KLHL13: variants seen among roughly 807,000 people sequenced by gnomAD.
The protein encoded by KLHL13 is kelch like family member 13, also known as kelch-like protein 13.
A neutral mutation model predicts 37.1 loss-of-function variants in KLHL13; 10 were observed. That is an observed-to-expected ratio of 0.27 (90% CI 0.17 to 0.46). The LOEUF is 0.46. KLHL13 is among the 20% of genes least tolerant of loss of function. KLHL13 has a pLI of 1.00. For missense variants in KLHL13, 360 were observed against 509.3 expected (o/e 0.71, Z 2.82); for synonymous variants, 163 against 181.2 (o/e 0.90, Z 0.81).
At chrX:118,047,286 G>A (rs1447817427) in intron 1 of KLHL13, among the ~76,000 whole-genome samples, 1 of 112,061 alleles carries the variant, frequency 8.9e-6, no homozygotes, top group East Asian at 2.8e-4. Flanking sequence ...ATGCAGTGAA[G>A]AAGGCAAGCA....
chrX:118,072,050 G>A (rs1264372518), intron 1 of KLHL13, among the ~76,000 whole-genome samples: 1 of 109,990 alleles, frequency 9.1e-6, no homozygotes, highest in African/African-American at 3.3e-5. Context: ...GAACAAAGCT[G>A]GAGGCATCAC....
intron 1 of KLHL13, among the ~76,000 whole-genome samples, chrX:118,094,167 A>T: frequency 9.0e-6 from 1 of 111,140 alleles, no homozygotes; most frequent in East Asian, 2.8e-4. Flanking sequence ...ATGGCTAACT[A>T]GAATAACCAA....
chrX:117,964,685 C>T (rs1229692010), intron 1 of KLHL13, among the ~76,000 whole-genome samples: 1 of 111,500 alleles, frequency 9.0e-6, no homozygotes, highest in Non-Finnish European at 1.9e-5. Context: ...GTGCTGCACC[C>T]ATTAACTCGT....
chrX:118,063,302 A>C (rs1427197887), intron 1 of KLHL13, among the ~76,000 whole-genome samples: 1 of 111,725 alleles, frequency 9.0e-6, no homozygotes, highest in Non-Finnish European at 1.9e-5. Flanking sequence ...ATAAAAGGTC[A>C]AAAGATCACA....
At chrX:118,036,879 A>G (rs1276334651) in intron 1 of KLHL13, among the ~76,000 whole-genome samples, 1 of 106,226 alleles carries the variant, frequency 9.4e-6, no homozygotes, top group Admixed American at 1.0e-4. Flanking sequence ...TCTACAATGA[A>G]CTCAAACAAA....
intron 2 of KLHL13, among the ~76,000 whole-genome samples, chrX:117,943,743 T>A (rs138703564): frequency 5.8e-4 from 63 of 109,437 alleles, no homozygotes; most frequent in African/African-American, 2.1e-3. Context: ...TTTTTCAAGG[T>A]TCTTAGCTTC....
intron 1 of KLHL13, among the ~76,000 whole-genome samples, chrX:118,089,594 G>C (rs765933226): frequency 1.2e-5 from 1 of 81,296 alleles, no homozygotes; most frequent in South Asian, 6.7e-4. Flanking sequence ...AGAAAAGAGA[G>C]AGAGAGAGAG....
chrX:117,973,929 A>C, upstream of KLHL13: 1 of 118,950 alleles, frequency 8.4e-6, no homozygotes, highest in Non-Finnish European at 1.6e-5. Flanking sequence ...TCCAAAGCTC[A>C]ACAGCGGGTC....
intron 1 of KLHL13, among the ~76,000 whole-genome samples, chrX:118,050,187 CCTT>C (rs2054599237): frequency 8.9e-6 from 1 of 111,906 alleles, no homozygotes; most frequent in Admixed American, 9.4e-5. Context: ...CACCTGGCCT[CCTT>C]CTTTCCTGAC....
intron 2 of KLHL13, among the ~76,000 whole-genome samples, chrX:117,931,205 A>C (rs981762676): frequency 8.9e-6 from 1 of 112,306 alleles, no homozygotes; most frequent in Admixed American, 9.4e-5. Flanking sequence ...GTAAATAGCT[A>C]TAAGTGAGGA....
intron 1 of KLHL13, among the ~76,000 whole-genome samples, chrX:118,046,232 T>C (rs1481216022): frequency 1.8e-5 from 2 of 112,415 alleles, no homozygotes; most frequent in Non-Finnish European, 3.8e-5. Context: ...ATCTTGTCAA[T>C]TGCAACAACA....
chrX:118,034,957 C>A (rs1287870209), intron 1 of KLHL13, among the ~76,000 whole-genome samples: 1 of 90,417 alleles, frequency 1.1e-5, no homozygotes, highest in African/African-American at 5.2e-5. Context: ...GAGAATACTA[C>A]AAACACCTCT....
At chrX:117,971,419 G>A (rs1000871634) in intron 1 of KLHL13, among the ~76,000 whole-genome samples, 1 of 110,968 alleles carries the variant, frequency 9.0e-6, no homozygotes, top group East Asian at 2.8e-4. Flanking sequence ...CCATTAACTT[G>A]TCACCTCCAT....
intron 1 of KLHL13, among the ~76,000 whole-genome samples, chrX:117,950,296 G>A (rs551328478): frequency 3.6e-5 from 4 of 111,100 alleles, no homozygotes; most frequent in South Asian, 3.8e-4. Flanking sequence ...GTAAAACCCC[G>A]TCTCCACTAA....
chrX:118,008,857 T>A (rs1202775268), intron 1 of KLHL13, among the ~76,000 whole-genome samples: 3 of 111,720 alleles, frequency 2.7e-5, no homozygotes, highest in Admixed American at 9.5e-5. Flanking sequence ...AAAATGGGAA[T>A]AATAATGATG....
intron 1 of KLHL13, among the ~76,000 whole-genome samples, chrX:118,104,904 A>T (rs1279371987): frequency 1.8e-5 from 2 of 112,817 alleles, no homozygotes; most frequent in South Asian, 3.6e-4. Flanking sequence ...TGAGTGAATT[A>T]TATCTTAATA....
At chrX:118,013,858 G>A (rs1400609911) in intron 1 of KLHL13, among the ~76,000 whole-genome samples, 1 of 112,175 alleles carries the variant, frequency 8.9e-6, no homozygotes, top group East Asian at 2.8e-4. Context: ...TCTTACACCT[G>A]TCTTTACTGC....
chrX:118,097,236 G>C (rs1250122966), intron 1 of KLHL13, among the ~76,000 whole-genome samples: 6 of 111,533 alleles, frequency 5.4e-5, no homozygotes, highest in Middle Eastern at 4.6e-3. Context: ...CAAAGTCTCA[G>C]GATACAAAAT....
intron 1 of KLHL13, among the ~76,000 whole-genome samples, chrX:118,010,484 G>T (rs1298177111): frequency 7.3e-5 from 5 of 68,538 alleles, no homozygotes; most frequent in Non-Finnish European, 1.4e-4. Context: ...GTAAACTATC[G>T]CAAGAACAAA....
Sources: gnomAD v4.1 joint callset for allele counts (sites outside exome capture counted in the v4.1 genomes callset) on GRCh38, gnomAD v4.1.1 for gene constraint, MANE v1.5 for transcripts, NCBI Gene and HGNC (gene_info 2026-07-23, HGNC 2026-07-21) for gene names.